SPATC1L: variants seen among roughly 807,000 people sequenced by gnomAD.
SPATC1L encodes spermatogenesis and centriole associated 1 like.
In SPATC1L, 20 loss-of-function variants were observed where a neutral mutation model predicts 21.2. That is an observed-to-expected ratio of 0.94 (90% CI 0.66 to 1.37). The LOEUF (loss-of-function observed/expected upper bound fraction) is 1.37. Ranked by LOEUF, SPATC1L falls within the 40% of genes most tolerant of loss-of-function variation. SPATC1L has a pLI of 0.00. For synonymous variants in SPATC1L, 290 were observed against 234.5 expected (o/e 1.24, Z -2.16); for missense variants, 499 against 478.7 (o/e 1.04, Z -0.40).
intron 2 of SPATC1L, among the ~76,000 whole-genome samples, chr21:46,171,939 GA>G (rs66628257): frequency 0.17 from 11,487 of 67,810 alleles, 707 homozygotes; most frequent in African/African-American, 0.28. Flanking sequence ...ATAACCCCCA[GA>G]AAAAAAAAAA....
chr21:46,164,482 T>C (rs1260192467), intron 3 of SPATC1L, among the ~76,000 whole-genome samples: 1 of 152,118 alleles, frequency 6.6e-6, no homozygotes, highest in Non-Finnish European at 1.5e-5. Context: ...TCTGTATCAA[T>C]GTATTTCTCT....
intron 2 of SPATC1L, among the ~76,000 whole-genome samples, chr21:46,173,798 G>C (rs1309410417): frequency 6.6e-6 from 1 of 152,056 alleles, no homozygotes; most frequent in East Asian, 1.9e-4. Context: ...ACCCCCACAG[G>C]AAGGCAGGCA....
intron 2 of SPATC1L, among the ~76,000 whole-genome samples, chr21:46,177,642 T>C (rs1388649056): frequency 6.6e-6 from 1 of 152,192 alleles, no homozygotes; most frequent in Non-Finnish European, 1.5e-5. Context: ...AGAACGCCTA[T>C]ACACTGTTAG....
intron 4 of SPATC1L, 72 bp from the exon 5 acceptor site, chr21:46,161,777 G>C: frequency 6.7e-7 from 1 of 1,487,048 alleles, no homozygotes. Flanking sequence ...GCCCAGGGCC[G>C]ATCCCTGCCC....
At chr21:46,181,506 G>A (rs1052386412) in intron 2 of SPATC1L, among the ~76,000 whole-genome samples, 7 of 152,190 alleles carry the variant, frequency 4.6e-5, no homozygotes, top group East Asian at 1.9e-4. Flanking sequence ...ATGGAGCTCC[G>A]AGCAGGGCCT....
At chr21:46,181,327 C>T (rs1275140500) in intron 2 of SPATC1L, among the ~76,000 whole-genome samples, 2 of 152,146 alleles carry the variant, frequency 1.3e-5, no homozygotes, top group African/African-American at 2.4e-5. Flanking sequence ...ACAGCATGGC[C>T]CCCAGGCGCC....
At chr21:46,184,081 A>G (rs62215189) in intron 1 of SPATC1L, among the ~76,000 whole-genome samples, 47,833 of 151,352 alleles carry the variant, frequency 0.32, 9,627 homozygotes, top group African/African-American at 0.57. Context: ...GAGGCCACCT[A>G]CTGACCTCAC....
chr21:46,182,561 CG>C (rs1569006016), intron 2 of SPATC1L, 62 bp downstream of exon 2: 2 of 1,395,092 alleles, frequency 1.4e-6, no homozygotes, highest in Non-Finnish European at 1.9e-6. Context: ...CCTCGACTCC[CG>C]GGGAGCAGGC....
In SPATC1L at chr21:46,168,369, C is replaced by T; in HGVS notation, c.483G>A (p.Val161=). 1.9e-6 allele frequency: 3 copies of T among 1,607,544 alleles called. No homozygotes were observed. Among genetic ancestry groups the T allele is most frequent in the African/African-American group, 2.7e-5 (2 of 74,928 alleles). ...EPREMVRPKK[V]CFSESSLPTG... Reference sequence around the variant, plus strand: ...TGGGCAGGCTGCTCTCCGAGAAACACACCTTCTTAGGCCGGACCATCTCCC... The same window carrying T: ...TGGGCAGGCTGCTCTCCGAGAAACATACCTTCTTAGGCCGGACCATCTCCC... The change falls in exon 3 of 5, where the codon GTG becomes GTA. Residue 161 remains valine (V), a synonymous_variant. Coordinates refer to ENST00000291672, the MANE Select transcript of SPATC1L (RefSeq NM_001142854.2).
chr21:46,176,705 C>T (rs2079635752), intron 2 of SPATC1L, among the ~76,000 whole-genome samples: 1 of 152,082 alleles, frequency 6.6e-6, no homozygotes, highest in Non-Finnish European at 1.5e-5. Flanking sequence ...TCATACTGAC[C>T]AAAGTAATTT....
chr21:46,175,572 T>C (rs1396406555), intron 2 of SPATC1L, among the ~76,000 whole-genome samples: 1 of 151,998 alleles, frequency 6.6e-6, no homozygotes, highest in Non-Finnish European at 1.5e-5. Context: ...AATGGATAAG[T>C]TCCTGGACAC....
intron 2 of SPATC1L, among the ~76,000 whole-genome samples, chr21:46,171,507 G>A (rs995054167): frequency 2.6e-5 from 4 of 151,702 alleles, no homozygotes; most frequent in African/African-American, 4.8e-5. Flanking sequence ...AAAAAAGTTC[G>A]AAAGAAGCAA....
chr21:46,178,985 T>C (rs2079651914), intron 2 of SPATC1L, among the ~76,000 whole-genome samples: 1 of 151,668 alleles, frequency 6.6e-6, no homozygotes, highest in Non-Finnish European at 1.5e-5. Flanking sequence ...AAGCCTGTAA[T>C]CCCAATGGTT....
At chr21:46,170,482 T>TC (rs375291941) in intron 2 of SPATC1L, among the ~76,000 whole-genome samples, 16 of 36,634 alleles carry the variant, frequency 4.4e-4, no homozygotes, top group South Asian at 9.3e-4. Flanking sequence ...GGGAGGAGCC[T>TC]CCTGCTCTGT....
rs918120920 is a variant in SPATC1L at position 46,161,206 on chromosome 21, C to T, written c.*173G>A. ...AGGGGTGAGAAGCACTCCGCAGGTG[C>T]GGGCAGCGGCGGGCTGCGGTCGGGG... is the stretch of plus-strand genomic sequence containing the variant. On this transcript the variant is annotated 3_prime_UTR_variant, in exon 5 of 5. Coordinates refer to ENST00000291672, the MANE Select transcript of SPATC1L (RefSeq NM_001142854.2). 5 of 516,038 alleles carry T rather than the reference C, an allele frequency of 9.7e-6. No individual in the cohort carries two copies. Among genetic ancestry groups the T allele is most frequent in the East Asian group, 7.2e-5 (2 of 27,870 alleles). The allele number at this position is 516,038 out of a possible 1,614,324, so 32.0% of individuals were successfully genotyped here. A position where few individuals can be genotyped will look rare whatever the true frequency, so the allele number is the denominator to read the frequency against.
At chr21:46,173,814 C>A (rs62214054) in intron 2 of SPATC1L, among the ~76,000 whole-genome samples, 41,408 of 151,952 alleles carry the variant, frequency 0.27, 6,915 homozygotes, top group African/African-American at 0.46. Flanking sequence ...AGGCACTCTG[C>A]ATCTGCCAGC....
At chr21:46,167,955 TC>T (rs2123626778) in intron 3 of SPATC1L, among the ~76,000 whole-genome samples, 1 of 152,174 alleles carries the variant, frequency 6.6e-6, no homozygotes, top group African/African-American at 2.4e-5. Context: ...AAATTGGACA[TC>T]ATCAAATTAA....
rs1398478161 is a variant in SPATC1L, at chr21:46,162,028, ACG to A, written c.582_583del (p.Val195GlyfsTer?). ...CAGCTGGAAGGCGATCTCGCCCACC[ACG>A]CGCGCGTCCTTCTCGGCGCCCGCGA... On this transcript the variant is annotated frameshift_variant, in exon 4 of 5. Transcript: ENST00000291672. LOFTEE classifies it high-confidence loss of function. 23 of 1,593,820 alleles carry A rather than the reference ACG, an allele frequency of 1.4e-5. 1 individual carries two copies. The highest frequency in any genetic ancestry group is 2.3e-5 in the East Asian group (1 of 44,192).
At chr21:46,162,090 C>T in intron 3 of SPATC1L, 23 bp from the exon 4 acceptor site, 4 of 1,554,458 alleles carry the variant, frequency 2.6e-6, no homozygotes, top group Non-Finnish European at 3.5e-6. Flanking sequence ...AGGCCGGGGA[C>T]AAGGTCAGGG....
Sources: allele counts gnomAD v4.1 joint callset (sites outside exome capture counted in the v4.1 genomes callset), GRCh38; gene constraint gnomAD v4.1.1; transcripts MANE v1.5; gene names NCBI Gene and HGNC (gene_info 2026-07-23, HGNC 2026-07-21).